Variants in TYW1 observed in about 807,000 individuals in gnomAD.
The protein encoded by TYW1 is tRNA-yW synthesizing protein 1 homolog.
A neutral mutation model predicts 96.2 loss-of-function variants in TYW1; 46 were observed. The observed-to-expected ratio is 0.48, with a 90% CI of 0.38 to 0.61. TYW1 has a LOEUF of 0.61. TYW1 is among the 20% of genes least tolerant of loss of function. The pLI, the probability that TYW1 is intolerant of heterozygous loss-of-function variation, is 0.00. For synonymous variants in TYW1, 274 were observed against 323.0 expected, an observed-to-expected ratio of 0.85 and a Z score of 1.63; for missense variants, 684 against 909.6, an observed-to-expected ratio of 0.75 and a Z score of 3.19.
At chr7:67,007,504 C>T (rs1215982555) in intron 3 of TYW1, among the ~76,000 whole-genome samples, 1 of 152,290 alleles carries the variant, frequency 6.6e-6, no homozygotes, top group Middle Eastern at 3.4e-3. Context: ...CCCCATGACC[C>T]AAACACCTCC....
chr7:67,153,925 CTTTTTTT>C (rs34003922), intron 13 of TYW1, among the ~76,000 whole-genome samples: 1 of 130,314 alleles, frequency 7.7e-6, no homozygotes, highest in South Asian at 2.4e-4. Context: ...TAACGACTTT[CTTTTTTT>C]TTTTTTTTTT....
intron 4 of TYW1, 61 bp downstream of exon 4, chr7:67,009,745 C>G (rs1793728694): frequency 3.6e-6 from 5 of 1,379,896 alleles, no homozygotes; most frequent in Non-Finnish European, 4.0e-6. Flanking sequence ...GCAATCTTCA[C>G]AGTAAATTTA....
intron 13 of TYW1, among the ~76,000 whole-genome samples, chr7:67,157,733 G>A (rs1799029349): frequency 6.6e-6 from 1 of 152,206 alleles, no homozygotes; most frequent in Admixed American, 6.5e-5. Flanking sequence ...CTCTAGGCGG[G>A]ACAGTTTCTC....
chr7:67,135,124 T>G (rs1798203877), intron 13 of TYW1, among the ~76,000 whole-genome samples: 1 of 151,586 alleles, frequency 6.6e-6, no homozygotes, highest in Admixed American at 6.6e-5. Flanking sequence ...CTGTCTAGAA[T>G]GGATGAATGA....
chr7:67,064,372 A>G (rs1467519146), intron 9 of TYW1, among the ~76,000 whole-genome samples: 2 of 152,228 alleles, frequency 1.3e-5, no homozygotes, highest in East Asian at 3.8e-4. Context: ...GGGAAAGACT[A>G]GAGATCTCAG....
chr7:67,210,727 A>G (rs1214662237), intron 15 of TYW1, among the ~76,000 whole-genome samples: 1 of 98,954 alleles, frequency 1.0e-5, no homozygotes, highest in African/African-American at 4.3e-5. Context: ...CTGTATGTCC[A>G]TCAGTCATCT....
At chr7:67,013,588 T>C (rs1793894575) in intron 4 of TYW1, among the ~76,000 whole-genome samples, 2 of 152,146 alleles carry the variant, frequency 1.3e-5, no homozygotes, top group South Asian at 4.1e-4. Flanking sequence ...ATTCCTTGTC[T>C]TTCTGACACC....
chr7:67,189,463 TTGTG>T (rs1490065996), intron 14 of TYW1, among the ~76,000 whole-genome samples: 2 of 146,432 alleles, frequency 1.4e-5, no homozygotes, highest in African/African-American at 4.9e-5. Context: ...GTGTTTGTGT[TTGTG>T]TGTGTCTGTC....
intron 13 of TYW1, among the ~76,000 whole-genome samples, chr7:67,131,855 T>C: frequency 6.6e-6 from 1 of 152,130 alleles, no homozygotes; most frequent in East Asian, 1.9e-4. Context: ...AACTTGGAGT[T>C]TGATGTTCGA....
At chr7:67,206,024 G>A (rs981595308) in intron 15 of TYW1, among the ~76,000 whole-genome samples, 1 of 152,190 alleles carries the variant, frequency 6.6e-6, no homozygotes, top group African/African-American at 2.4e-5. Flanking sequence ...GCAGAATAGG[G>A]AGAGGCACGT....
chr7:67,147,193 TA>T (rs1798634836), intron 13 of TYW1, among the ~76,000 whole-genome samples: 1 of 152,026 alleles, frequency 6.6e-6, no homozygotes, highest in Admixed American at 6.6e-5. Flanking sequence ...AATACAACAG[TA>T]AAAAAATACA....
chr7:67,216,733 G>A (rs1182623485), intron 15 of TYW1, among the ~76,000 whole-genome samples: 2 of 144,652 alleles, frequency 1.4e-5, no homozygotes, highest in East Asian at 1.9e-4. Flanking sequence ...TTCCCTTTAG[G>A]TACTACTTTA....
At chr7:67,111,245 C>T (rs1200103385) in intron 12 of TYW1, among the ~76,000 whole-genome samples, 1 of 151,892 alleles carries the variant, frequency 6.6e-6, no homozygotes, top group African/African-American at 2.4e-5. Context: ...GCTCTGTCAC[C>T]CAGGCTAGAG....
At chr7:67,094,773 C>T (rs1796842657) in intron 11 of TYW1, among the ~76,000 whole-genome samples, 1 of 151,816 alleles carries the variant, frequency 6.6e-6, no homozygotes, top group Non-Finnish European at 1.5e-5. Context: ...GTGTTCTGAG[C>T]TCTGAACTAG....
At chr7:67,141,380 G>A (rs1231012747) in intron 13 of TYW1, among the ~76,000 whole-genome samples, 2 of 152,084 alleles carry the variant, frequency 1.3e-5, no homozygotes, top group African/African-American at 4.8e-5. Flanking sequence ...TAACCAACAC[G>A]CAAAATAATT....
intron 6 of TYW1, among the ~76,000 whole-genome samples, chr7:67,022,087 AT>A: frequency 6.6e-6 from 1 of 151,928 alleles, no homozygotes; most frequent in Non-Finnish European, 1.5e-5. Flanking sequence ...AGTTTTTTTA[AT>A]TTTTTGTAGA....
intron 11 of TYW1, among the ~76,000 whole-genome samples, chr7:67,085,371 C>A (rs1234041206): frequency 6.6e-6 from 1 of 152,118 alleles, no homozygotes. Context: ...TGAGTTCTCA[C>A]GAGATCTGAT....
chr7:67,050,266 T>C (rs571402978), intron 8 of TYW1, among the ~76,000 whole-genome samples, 200 bp downstream of exon 8: 3 of 152,316 alleles, frequency 2.0e-5, no homozygotes, highest in South Asian at 2.1e-4. Flanking sequence ...TCTTGGTTTA[T>C]TGGGATATTA....
chr7:67,097,794 G>C (rs1796964763), intron 11 of TYW1, among the ~76,000 whole-genome samples: 1 of 151,862 alleles, frequency 6.6e-6, no homozygotes, highest in Non-Finnish European at 1.5e-5. Context: ...CCAGACTCAA[G>C]TGATCTTCCC....
Sources: allele counts gnomAD v4.1 joint callset (sites outside exome capture counted in the v4.1 genomes callset), GRCh38; gene constraint gnomAD v4.1.1; transcripts MANE v1.5; gene names NCBI Gene and HGNC (gene_info 2026-07-23, HGNC 2026-07-21).